COLQ: variants seen among roughly 807,000 people sequenced by gnomAD.
COLQ encodes collagen like tail subunit of asymmetric acetylcholinesterase, also known as acetylcholinesterase collagenic tail peptide.
COLQ carries 48 observed loss-of-function variants against 69.0 expected under a neutral mutation model. The ratio of observed to expected loss-of-function variants is 0.70; its 90% confidence interval spans 0.55 to 0.88. The LOEUF is 0.88. Ranked by LOEUF, COLQ falls within the 40% of genes least tolerant of loss-of-function variation. The pLI is 0.00. For synonymous variants in COLQ, 217 were observed against 211.2 expected, an observed-to-expected ratio of 1.03 and a Z score of -0.24; for missense variants, 618 against 594.6, an observed-to-expected ratio of 1.04 and a Z score of -0.41.
intron 3 of COLQ, among the ~76,000 whole-genome samples, chr3:15,482,016 G>T (rs988206147): frequency 5.3e-5 from 8 of 152,148 alleles, no homozygotes; most frequent in Non-Finnish European, 1.0e-4. Flanking sequence ...CTCTCTGTTT[G>T]TCTGTTATTG....
At chr3:15,500,907 T>C (rs1185533939) in intron 1 of COLQ, among the ~76,000 whole-genome samples, 1 of 152,208 alleles carries the variant, frequency 6.6e-6, no homozygotes, top group Non-Finnish European at 1.5e-5. Context: ...ACAACCCATT[T>C]CCCCTGTGGG....
chr3:15,457,210 GAAGTGATTCTTA>G (rs1429549943), intron 13 of COLQ, among the ~76,000 whole-genome samples: 1 of 152,064 alleles, frequency 6.6e-6, no homozygotes, highest in African/African-American at 2.4e-5. Flanking sequence ...TTGACATCTG[GAAGTGATTCTTA>G]AAATTATCCT....
intron 12 of COLQ, among the ~76,000 whole-genome samples, chr3:15,459,220 T>C (rs1432076752): frequency 6.6e-6 from 1 of 152,182 alleles, no homozygotes; most frequent in Non-Finnish European, 1.5e-5. Flanking sequence ...AACATTAGTA[T>C]ATGCTCTGCC....
intron 9 of COLQ, 78 bp downstream of exon 9, chr3:15,474,150 A>C: frequency 6.3e-7 from 1 of 1,586,782 alleles, no homozygotes; most frequent in Non-Finnish European, 8.7e-7. Flanking sequence ...GTCCATCATC[A>C]GTCCACGGAT....
chr3:15,498,006 G>C (rs908104357), intron 1 of COLQ, among the ~76,000 whole-genome samples: 5 of 152,216 alleles, frequency 3.3e-5, no homozygotes, highest in Non-Finnish European at 4.4e-5. Flanking sequence ...GAGCAGGCAA[G>C]GATACAACCT....
chr3:15,458,321 T>G lies in COLQ; in HGVS notation c.819A>C (p.Gln273His), dbSNP rs1218132006. 27 of 1,614,042 alleles carry G rather than the reference T, an allele frequency of 1.7e-5. No individual in the cohort carries two copies. Among genetic ancestry groups the G allele is most frequent in the Non-Finnish European group, 2.2e-5 (26 of 1,179,988 alleles). Residue 273 changes from glutamine to histidine, a missense_variant, in exon 13 of 17, where the codon CAA becomes CAC. Transcript: ENST00000383788. ...PGPPGPPPAG[Q>H]LIMGPKGERG... Reference sequence around the variant, plus strand: ...TTTCCCCTTTGGGTCCCATTATAAGTTGTCCTAGGAAGCAACAGACTGCTG... The same window carrying G: ...TTTCCCCTTTGGGTCCCATTATAAGGTGTCCTAGGAAGCAACAGACTGCTG...
At chr3:15,468,327 T>G (rs963436454) in intron 11 of COLQ, among the ~76,000 whole-genome samples, 33 of 138,320 alleles carry the variant, frequency 2.4e-4, no homozygotes, top group African/African-American at 7.8e-4. Flanking sequence ...TGAAGTTTTT[T>G]TTTTTTTTTT....
At chr3:15,482,678 T>G (rs965460777) in intron 3 of COLQ, among the ~76,000 whole-genome samples, 1 of 152,216 alleles carries the variant, frequency 6.6e-6, no homozygotes, top group Non-Finnish European at 1.5e-5. Flanking sequence ...TCTCTTTTCT[T>G]GTTGTGTCTC....
intron 1 of COLQ, among the ~76,000 whole-genome samples, chr3:15,519,463 C>T (rs773188273): frequency 9.2e-5 from 14 of 152,176 alleles, no homozygotes; most frequent in Non-Finnish European, 1.9e-4. Context: ...GCTTAATGGC[C>T]CCTTCTCTAA....
rs147114462 is a variant in COLQ, at chr3:15,479,313, G to A, written c.366+25C>T. 3.8e-4 allele frequency: 617 copies of A among 1,612,312 alleles called. 11 individuals are homozygous for A. The East Asian group carries it at 9.0e-3, about 24-fold the overall frequency. On this transcript the variant is annotated intron_variant, in intron 4 of 16. Transcript: ENST00000383788. ...AGGCTGGAATTGCCAAGGAAAGAAG[G>A]GTTGAAGAAAGTAGTGGTCCATACC...
At chr3:15,506,459 C>G (rs2062912269) in intron 1 of COLQ, among the ~76,000 whole-genome samples, 1 of 152,176 alleles carries the variant, frequency 6.6e-6, no homozygotes, top group Non-Finnish European at 1.5e-5. Flanking sequence ...TTATTTATTA[C>G]CAACCATTAC....
intron 16 of COLQ, 48 bp downstream of exon 16, chr3:15,453,781 A>T (rs1445154639): frequency 8.4e-7 from 1 of 1,196,686 alleles, no homozygotes; most frequent in African/African-American, 1.5e-5. Flanking sequence ...AGCAAAGAGG[A>T]GGGAGGGAGA....
intron 1 of COLQ, among the ~76,000 whole-genome samples, chr3:15,514,774 T>C (rs974345170): frequency 6.6e-6 from 1 of 152,122 alleles, no homozygotes; most frequent in African/African-American, 2.4e-5. Flanking sequence ...GAGAGGTAGA[T>C]GTAGTAAGGG....
In COLQ at chr3:15,489,574, G is replaced by C. The variant is rs1335940922; in HGVS notation, c.170C>G (p.Pro57Arg). Residue 57 changes from proline (P) to arginine (R), a missense_variant, in exon 2 of 17, where the codon CCT becomes CGT. Transcript: ENST00000383788. ...GHKACCLLTP[P>R]PPPLFPPPFF... The stretch of plus-strand genomic sequence containing the variant: ...TGGTGGTGGGAACAGTGGTGGTGGA[G>C]GAGGCGTCAGCAGGCAGCATGCTTT... The C allele has an allele frequency of 1.9e-6, 3 of 1,614,230 alleles. No individual in the cohort carries two copies. The highest frequency in any genetic ancestry group is 2.5e-6 in the Non-Finnish European group (3 of 1,180,044).
Position 15,489,571 on chromosome 3 carries a change from G to A in COLQ, c.173C>T (p.Pro58Leu), listed in dbSNP as rs766617611. The A allele has an allele frequency of 6.2e-7, 1 of 1,614,210 alleles. No homozygotes were observed. ...HKACCLLTPP[P>L]PPLFPPPFFR... is the part of the protein sequence containing the mutation. ...GAATGGTGGTGGGAACAGTGGTGGT[G>A]GAGGAGGCGTCAGCAGGCAGCATGC... is the stretch of plus-strand genomic sequence containing the variant. The change falls in exon 2 of 17, where the codon CCA becomes CTA. Residue 58 changes from proline (P) to leucine (L), a missense_variant. Pro to Leu is a moderately conservative substitution (Grantham distance 98). Transcript: ENST00000383788.
At chr3:15,498,579 G>T in intron 1 of COLQ, 1 of 1,551,968 alleles carries the variant, frequency 6.4e-7, no homozygotes. Flanking sequence ...TGAATGATGA[G>T]CCCGTCATTG....
rs558510839 is a variant in COLQ, at chr3:15,459,799, T to C, written c.815-1474A>G. 1.3e-3 allele frequency among the ~76,000 whole-genome samples: 203 copies of C among 151,782 alleles called. 6 individuals are homozygous for C. In the South Asian group the frequency reaches 0.041, roughly 31 times the overall value. On this transcript the variant is annotated intron_variant, in intron 12 of 16. Coordinates refer to ENST00000383788, the MANE Select transcript of COLQ (RefSeq NM_005677.4). ...TGGTCAGGCACCCATATTTTATTAT[T>C]ATTATTATTATTATACTTTAAGTTT... is the stretch of plus-strand genomic sequence containing the variant.
chr3:15,485,642 G>C (rs1375600292), intron 3 of COLQ, among the ~76,000 whole-genome samples: 1 of 152,156 alleles, frequency 6.6e-6, no homozygotes, highest in Non-Finnish European at 1.5e-5. Flanking sequence ...CCAAAGCCCA[G>C]GCCCCAACCC....
chr3:15,468,139 G>C (rs1288413260), intron 11 of COLQ, among the ~76,000 whole-genome samples: 2 of 152,088 alleles, frequency 1.3e-5, no homozygotes, highest in African/African-American at 4.8e-5. Context: ...AGCTGGAAAT[G>C]CTCCTTCATT....
Sources: gnomAD v4.1 joint callset for allele counts (sites outside exome capture counted in the v4.1 genomes callset) on GRCh38, gnomAD v4.1.1 for gene constraint, MANE v1.5 for transcripts, NCBI Gene and HGNC (gene_info 2026-07-23, HGNC 2026-07-21) for gene names.